MROH9: variants seen among roughly 807,000 people sequenced by gnomAD.
The protein encoded by MROH9 is maestro heat-like repeat-containing protein family member 9.
A neutral mutation model predicts 98.2 loss-of-function variants in MROH9; 92 were observed. The observed-to-expected ratio is 0.94, with a 90% CI of 0.79 to 1.11. The LOEUF is 1.11. MROH9 is among the 50% of genes most tolerant of loss of function. MROH9 has a pLI of 0.00. For missense variants in MROH9, 1,057 were observed against 1,014.8 expected (o/e 1.04, Z -0.57); for synonymous variants, 397 against 368.9 (o/e 1.08, Z -0.87).
intron 3 of MROH9, among the ~76,000 whole-genome samples, chr1:170,950,237 C>A (rs1285070120): frequency 6.6e-6 from 1 of 151,990 alleles, no homozygotes; most frequent in East Asian, 1.9e-4. Flanking sequence ...TCAAGGAAGA[C>A]TTTTGAACAA....
chr1:170,977,088 G>A (rs935323843), intron 8 of MROH9, among the ~76,000 whole-genome samples: 1 of 151,968 alleles, frequency 6.6e-6, no homozygotes, highest in East Asian at 1.9e-4. Context: ...AGCTCTATCA[G>A]GCCAGTTAGG....
At chr1:171,016,134 A>G in intron 16 of MROH9, 29 bp from the exon 17 acceptor site, 4 of 1,394,802 alleles carry the variant, frequency 2.9e-6, no homozygotes, top group Non-Finnish European at 3.8e-6. Context: ...TAGTTCCTAA[A>G]TCCCACCATT....
rs1473073200 is a variant in MROH9 at position 170,998,256 on chromosome 1, A to G, written c.1578A>G (p.Val526=). 4 of 1,613,424 alleles carry G rather than the reference A, an allele frequency of 2.5e-6. No individual in the cohort carries two copies. The highest frequency in any genetic ancestry group is 1.6e-4 in the Middle Eastern group (1 of 6,076). ...GPRRSEDTVI[V]LIFLTELLNN... Reference sequence around the variant, plus strand: ...GAAGGTCAGAAGACACTGTCATCGTATTAATATTCCTCACTGAAGTGAGTT... The same window carrying G: ...GAAGGTCAGAAGACACTGTCATCGTGTTAATATTCCTCACTGAAGTGAGTT... The change falls in exon 15 of 22, where the codon GTA becomes GTG. Residue 526 remains valine (V), a synonymous_variant. Coordinates refer to ENST00000367759, the MANE Select transcript of MROH9 (RefSeq NM_001163629.2).
chr1:171,052,531 G>T (rs1370776334), intron 20 of MROH9, among the ~76,000 whole-genome samples: 1 of 152,164 alleles, frequency 6.6e-6, no homozygotes, highest in Non-Finnish European at 1.5e-5. Flanking sequence ...GGTATAGAGC[G>T]AAGAGACTAT....
intron 12 of MROH9, among the ~76,000 whole-genome samples, chr1:170,992,991 A>C (rs1055860076): frequency 1.3e-5 from 2 of 152,210 alleles, no homozygotes; most frequent in African/African-American, 4.8e-5. Flanking sequence ...AGAGTAGTAT[A>C]AAGTTGGCAT....
intron 20 of MROH9, among the ~76,000 whole-genome samples, chr1:171,061,609 G>A (rs1654017463): frequency 6.6e-6 from 1 of 152,164 alleles, no homozygotes; most frequent in Non-Finnish European, 1.5e-5. Flanking sequence ...CAACTCTGCT[G>A]TGGTATGATG....
At chr1:171,012,659 C>T (rs1157963843) in intron 15 of MROH9, among the ~76,000 whole-genome samples, 7 of 151,858 alleles carry the variant, frequency 4.6e-5, no homozygotes, top group East Asian at 3.9e-4. Flanking sequence ...CCTGCCACCA[C>T]GCCTGGCTAA....
At chr1:170,995,834 A>C (rs538441835) in intron 13 of MROH9, among the ~76,000 whole-genome samples, 3 of 152,302 alleles carry the variant, frequency 2.0e-5, no homozygotes, top group African/African-American at 7.2e-5. Flanking sequence ...AAGAGAGCAG[A>C]GCATTAAATC....
In MROH9 at chr1:170,981,725, C is replaced by CT. The variant is rs1166769505; in HGVS notation, c.617-1688dup. 3.3e-4 allele frequency among the ~76,000 whole-genome samples: 45 copies of CT among 138,314 alleles called. 1 individual carries two copies. Among genetic ancestry groups the CT allele is most frequent in the South Asian group, 3.1e-3 (13 of 4,184 alleles). 90.7% of individuals were successfully genotyped at this position (138,314 alleles called of 152,430 possible). The stretch of plus-strand genomic sequence containing the variant: ...CGTTCTGCACATGTATCCCCTTCCG[C>CT]TTTTTTTTTAGAAGAAATAAAAAAA... On this transcript the variant is annotated intron_variant, in intron 8 of 21. Coordinates refer to ENST00000367759, the MANE Select transcript of MROH9 (RefSeq NM_001163629.2).
rs190959200 is a variant in MROH9, at chr1:170,953,354, C to G, written c.73-5107C>G. 2.7e-3 allele frequency among the ~76,000 whole-genome samples: 407 copies of G among 151,776 alleles called. 1 individual carries two copies. The highest frequency in any genetic ancestry group is 9.1e-3 in the African/African-American group (377 of 41,448). The stretch of plus-strand genomic sequence containing the variant: ...AAGAGGTTTTAGTTTTGATCAAGTC[C>G]AATTTACCATTTTTTTCTCTTTTGT... On this transcript the variant is annotated intron_variant, in intron 3 of 21. Transcript: ENST00000367759.
At chr1:171,014,329 CACTGACAA>C (rs1311893088) in intron 16 of MROH9, 75 bp downstream of exon 16, 18 of 1,351,424 alleles carry the variant, frequency 1.3e-5, no homozygotes, top group Non-Finnish European at 1.8e-5. Flanking sequence ...TTAACATCTT[CACTGACAA>C]AGCGGTGATA....
intron 1 of MROH9, among the ~76,000 whole-genome samples, chr1:170,937,591 G>A (rs954640541): frequency 3.5e-5 from 5 of 142,568 alleles, no homozygotes; most frequent in Non-Finnish European, 6.0e-5. Context: ...GCGGGATCTC[G>A]GCTCACTGCA....
chr1:171,048,781 G>A (rs1157532230), intron 20 of MROH9, among the ~76,000 whole-genome samples: 1 of 152,180 alleles, frequency 6.6e-6, no homozygotes, highest in Non-Finnish European at 1.5e-5. Context: ...GCAAGTCTCA[G>A]AGGTTCACCC....
chr1:171,005,616 T>C (rs1287898580), intron 15 of MROH9, among the ~76,000 whole-genome samples: 1 of 152,226 alleles, frequency 6.6e-6, no homozygotes, highest in Non-Finnish European at 1.5e-5. Flanking sequence ...CTTTTGTATG[T>C]TTATTTTGTA....
chr1:170,935,966 T>A (rs1226171485), intron 1 of MROH9, among the ~76,000 whole-genome samples: 1 of 111,604 alleles, frequency 9.0e-6, no homozygotes, highest in African/African-American at 3.6e-5. Flanking sequence ...CACTCCAGCC[T>A]GGCAACAGAG....
At chr1:170,961,308 G>T in intron 5 of MROH9, among the ~76,000 whole-genome samples, 1 of 152,140 alleles carries the variant, frequency 6.6e-6, no homozygotes, top group African/African-American at 2.4e-5. Flanking sequence ...TAAAATTTTA[G>T]AGGTGAGAAT....
rs750641886 is a variant in MROH9 at position 170,961,924 on chromosome 1, A to T, written c.323A>T (p.Asn108Ile). The T allele has an allele frequency of 6.5e-7, 1 of 1,536,402 alleles. No homozygotes were observed. Among genetic ancestry groups the T allele is most frequent in the Non-Finnish European group, 8.8e-7 (1 of 1,134,202 alleles). Residue 108 changes from asparagine to isoleucine, a missense_variant, in exon 6 of 22, where the codon AAC (asparagine) becomes ATC (isoleucine). Asn to Ile is a moderately radical substitution (Grantham distance 149). Coordinates refer to ENST00000367759, the MANE Select transcript of MROH9 (RefSeq NM_001163629.2). ...CACAATATTTTAAATATATATGAGA[A>T]CATTCTTACGAGCTTGGTGTCTAAA... The part of the protein sequence containing the change: ...LYHNILNIYE[N>I]ILTSLVSKDL...
chr1:170,957,782 C>T (rs975862112), intron 3 of MROH9, among the ~76,000 whole-genome samples: 1 of 148,620 alleles, frequency 6.7e-6, no homozygotes, highest in East Asian at 2.0e-4. Flanking sequence ...AGTTGCCCTG[C>T]TGGCATTTTT....
chr1:171,062,227 CATAAATCTAA>C, intron 21 of MROH9, 33 bp downstream of exon 21: 1 of 1,407,002 alleles, frequency 7.1e-7, no homozygotes. Context: ...AATCTTTATG[CATAAATCTAA>C]ATACATTTAC....
Sources: allele counts gnomAD v4.1 joint callset (sites outside exome capture counted in the v4.1 genomes callset), GRCh38; gene constraint gnomAD v4.1.1; transcripts MANE v1.5; gene names NCBI Gene and HGNC (gene_info 2026-07-23, HGNC 2026-07-21).